The following OTULIN variants were observed in gnomAD, a reference collection of about 807,000 sequenced individuals.
The protein encoded by OTULIN is OTU deubiquitinase with linear linkage specificity.
A neutral mutation model predicts 39.6 loss-of-function variants in OTULIN; 15 were observed. The ratio of observed to expected loss-of-function variants is 0.38; its 90% CI spans 0.25 to 0.58. The LOEUF (loss-of-function observed/expected upper bound fraction) is 0.58. Ranked by LOEUF, OTULIN falls within the 20% of genes least tolerant of loss-of-function variation. The pLI, the probability that OTULIN is intolerant of heterozygous loss-of-function variation, is 0.66. For synonymous variants in OTULIN, 156 were observed against 170.3 expected (o/e 0.92, Z 0.65); for missense variants, 319 against 445.9 (o/e 0.72, Z 2.56).
At chr5:14,681,951 A>G (rs1310460919) in intron 4 of OTULIN, among the ~76,000 whole-genome samples, 1 of 152,256 alleles carries the variant, frequency 6.6e-6, no homozygotes, top group Non-Finnish European at 1.5e-5. Context: ...GTTTTAGAAT[A>G]CACATTTCTT....
Position 14,690,383 on chromosome 5 carries a change from T to C in OTULIN, c.864+75T>C, listed in dbSNP as rs753792752. 1.2e-5 allele frequency: 19 copies of C among 1,535,950 alleles called. No individual in the cohort carries two copies. The highest frequency in any genetic ancestry group is 1.7e-5 in the Non-Finnish European group (19 of 1,139,314). ...TGATCAAACTTGATGTCACAGTTTTTGTAGGTCAGAAATTCAGGGACAGCT... is the reference window on the plus strand; with the variant it reads ...TGATCAAACTTGATGTCACAGTTTTCGTAGGTCAGAAATTCAGGGACAGCT... On this transcript the variant is annotated intron_variant, in intron 6 of 6. Transcript: ENST00000284274. This position sits in a 1 kb window ranked among gnomAD's most constrained non-coding sequence, Gnocchi z 4.5.
chr5:14,710,875 AGAG>A, the OTULIN span: 2 of 376,820 alleles, frequency 5.3e-6, no homozygotes, highest in Non-Finnish European at 1.0e-5. Context: ...TTTGGTTCCA[AGAG>A]GAGATTGTCC....
chr5:14,705,509 A>C, the OTULIN span: 1 of 152,252 alleles, frequency 6.6e-6, no homozygotes, highest in Admixed American at 6.5e-5. Context: ...TCCAGCTTGA[A>C]TACACTTCTT....
Position 14,696,573 on chromosome 5 carries a change from GA to G in OTULIN, c.*3527del, listed in dbSNP as rs1736674833. On this transcript the variant is annotated 3_prime_UTR_variant, in exon 7 of 7. Coordinates refer to ENST00000284274, the MANE Select transcript of OTULIN (RefSeq NM_138348.6). ...TCAAGTAATTTAAAAATGGTCCAAG[GA>G]ACTGTAAGAAGGAGGAACTAATTCT... The G allele has an allele frequency of 6.6e-6, 1 of 152,188 alleles. No individual in the cohort carries two copies. The highest frequency in any genetic ancestry group is 2.4e-5 in the African/African-American group (1 of 41,442). 9.4% of individuals were successfully genotyped at this position (152,188 alleles called of 1,614,324 possible).
At chr5:14,672,362 G>A (rs1735999368) in intron 1 of OTULIN, among the ~76,000 whole-genome samples, 1 of 152,058 alleles carries the variant, frequency 6.6e-6, no homozygotes, top group Non-Finnish European at 1.5e-5. Flanking sequence ...CCTCAGTCTG[G>A]CCCTCCCAGT....
At chr5:14,678,202 G>A (rs1736154188) in intron 2 of OTULIN, among the ~76,000 whole-genome samples, 1 of 152,246 alleles carries the variant, frequency 6.6e-6, no homozygotes, top group Admixed American at 6.5e-5. Context: ...GGCCTGCATG[G>A]AGGGAGGGAG....
rs1735784116 is a variant in OTULIN at position 14,664,815 on chromosome 5, C to T, written c.-11C>T. 1 of 1,214,564 alleles carries T rather than the reference C, an allele frequency of 8.2e-7. No homozygotes were observed. Among genetic ancestry groups the T allele is most frequent in the East Asian group, 3.4e-5 (1 of 29,488 alleles). 75.2% of individuals were successfully genotyped at this position (1,214,564 alleles called of 1,614,324 possible). On this transcript the variant is annotated 5_prime_UTR_variant, in exon 1 of 7. Transcript: ENST00000284274. ...GGAGCCGGCTGAACCCCTTCGGCCGCGAGCGACCGCATGAGTCGGGGGACT... is the reference window on the plus strand; with the variant it reads ...GGAGCCGGCTGAACCCCTTCGGCCGTGAGCGACCGCATGAGTCGGGGGACT...
chr5:14,690,972 G>A lies in OTULIN; in HGVS notation c.864+664G>A, dbSNP rs1217402211. Among the ~76,000 whole-genome samples the A allele has an allele frequency of 1.3e-5, 2 of 152,214 alleles. No individual in the cohort carries two copies. Among genetic ancestry groups the A allele is most frequent in the African/African-American group, 2.4e-5 (1 of 41,456 alleles). Reference sequence around the variant, plus strand: ...AGGGTCTTGTTTAATCTTGGCAACTGTAGCTGCATTAAAAAGAGAAATGGA... The same window carrying A: ...AGGGTCTTGTTTAATCTTGGCAACTATAGCTGCATTAAAAAGAGAAATGGA... On this transcript the variant is annotated intron_variant, in intron 6 of 6. Transcript: ENST00000284274. The surrounding 1 kb of genome is among the most constrained non-coding windows in gnomAD (Gnocchi z 4.5).
At chr5:14,686,665 G>A (rs1736395968) in intron 4 of OTULIN, among the ~76,000 whole-genome samples, 1 of 152,032 alleles carries the variant, frequency 6.6e-6, no homozygotes, top group South Asian at 2.1e-4. Flanking sequence ...ACACACCTGT[G>A]CCCAGCCTAA....
Position 14,696,509 on chromosome 5 carries a change from T to C in OTULIN, c.*3461T>C, listed in dbSNP as rs915457236. 6.6e-6 allele frequency: 1 copy of C among 152,200 alleles called. No homozygotes were observed. The highest frequency in any genetic ancestry group is 1.5e-5 in the Non-Finnish European group (1 of 68,022). 9.4% of individuals were successfully genotyped at this position (152,200 alleles called of 1,614,324 possible). A position where few individuals can be genotyped will look rare whatever the true frequency, so the allele number is the denominator to read the frequency against. ...GAATGTGAAATGTGTGTGAAATACA[T>C]AGAATTCCCAAATAGTTTAGCAAAG... On this transcript the variant is annotated 3_prime_UTR_variant, in exon 7 of 7. Coordinates refer to ENST00000284274, the MANE Select transcript of OTULIN (RefSeq NM_138348.6).
intron 1 of OTULIN, 123 bp from the exon 2 acceptor site, chr5:14,673,519 C>A: frequency 1.7e-6 from 1 of 576,638 alleles, no homozygotes; most frequent in Non-Finnish European, 2.9e-6. Context: ...ATTAGATTAT[C>A]ATCATGTAAA....
At chr5:14,667,940 C>A (rs1735891649) in intron 1 of OTULIN, among the ~76,000 whole-genome samples, 1 of 152,222 alleles carries the variant, frequency 6.6e-6, no homozygotes, top group Non-Finnish European at 1.5e-5. Flanking sequence ...TCCTGCTGAT[C>A]TGGTCCTGGG....
At chr5:14,673,560 G>T (rs1736029358) in intron 1 of OTULIN, 82 bp from the exon 2 acceptor site, 7 of 1,147,724 alleles carry the variant, frequency 6.1e-6, no homozygotes, top group Non-Finnish European at 8.9e-6. Flanking sequence ...AGTATATTAT[G>T]CATTTGTAAG....
At chr5:14,677,668 G>T (rs902500803) in intron 2 of OTULIN, among the ~76,000 whole-genome samples, 2 of 151,954 alleles carry the variant, frequency 1.3e-5, no homozygotes, top group African/African-American at 4.8e-5. Context: ...TTTTAATTTT[G>T]GGGGATGTGT....
At chr5:14,703,660 T>C (rs1321627176), downstream of OTULIN, among the ~76,000 whole-genome samples, 2 of 152,342 alleles carry the variant, frequency 1.3e-5, no homozygotes, top group East Asian at 3.9e-4. Context: ...TGAATGATGC[T>C]GGGGCCAGCG....
the OTULIN span, among the ~76,000 whole-genome samples, chr5:14,711,613 C>G: frequency 2.0e-5 from 3 of 152,216 alleles, no homozygotes; most frequent in African/African-American, 7.2e-5. Context: ...GGGCTGCGCT[C>G]TCCCCGACTC....
intron 1 of OTULIN, among the ~76,000 whole-genome samples, chr5:14,670,727 C>G (rs922270282): frequency 6.6e-6 from 1 of 152,034 alleles, no homozygotes; most frequent in African/African-American, 2.4e-5. Flanking sequence ...TCCTCAGCCT[C>G]CTTTCTAGGG....
At chr5:14,705,828 CT>C in the OTULIN span, 2 of 152,424 alleles carry the variant, frequency 1.3e-5, no homozygotes, top group Non-Finnish European at 2.9e-5. Context: ...TTGAACTTAG[CT>C]TTCAGTAGCT....
the OTULIN span, among the ~76,000 whole-genome samples, chr5:14,714,990 A>G: frequency 3.9e-5 from 6 of 152,214 alleles, no homozygotes; most frequent in African/African-American, 1.4e-4. Flanking sequence ...GTGTCTACCC[A>G]ACAAGTACAG....
Sources: gnomAD v4.1 joint callset for allele counts (sites outside exome capture counted in the v4.1 genomes callset) on GRCh38, gnomAD v4.1.1 for gene constraint, Gnocchi (gnomAD v3.1) non-coding constraint, MANE v1.5 for transcripts, NCBI Gene and HGNC (gene_info 2026-07-23, HGNC 2026-07-21) for gene names.